Variants in CPNE8 observed in about 807,000 individuals in gnomAD.
The protein encoded by CPNE8 is copine-8.
CPNE8 carries 45 observed loss-of-function variants against 81.5 expected under a neutral mutation model. That is an observed-to-expected ratio of 0.55 (90% CI 0.44 to 0.71). The LOEUF (loss-of-function observed/expected upper bound fraction) is 0.71. Ranked by LOEUF, CPNE8 falls within the 30% of genes least tolerant of loss-of-function variation. The probability of loss-of-function intolerance (pLI) is 0.00; values close to 1 mark genes in which losing one functional copy is unlikely to be tolerated. For missense variants in CPNE8, 594 were observed against 672.1 expected, an observed-to-expected ratio of 0.88 and a Z score of 1.28; for synonymous variants, 252 against 226.3, an observed-to-expected ratio of 1.11 and a Z score of -1.02.
intron 13 of CPNE8, among the ~76,000 whole-genome samples, chr12:38,718,679 CAT>C (rs1565582111): frequency 6.6e-6 from 1 of 152,042 alleles, no homozygotes; most frequent in Non-Finnish European, 1.5e-5. Context: ...AATCCAATAA[CAT>C]TATTTCTAGG....
chr12:38,854,707 A>T (rs1439468697), intron 3 of CPNE8, among the ~76,000 whole-genome samples: 1 of 152,104 alleles, frequency 6.6e-6, no homozygotes, highest in Non-Finnish European at 1.5e-5. Flanking sequence ...GGCTTTTAAC[A>T]ACATTAAAGA....
chr12:38,652,948 C>T lies in CPNE8; in HGVS notation c.*934G>A, dbSNP rs979384562. 2.0e-5 allele frequency: 3 copies of T among 152,522 alleles called. No individual in the cohort carries two copies. Among genetic ancestry groups the T allele is most frequent in the African/African-American group, 7.2e-5 (3 of 41,410 alleles). 9.4% of individuals were successfully genotyped at this position (152,522 alleles called of 1,614,324 possible). A position where few individuals can be genotyped will look rare whatever the true frequency, so the allele number is the denominator to read the frequency against. On this transcript the variant is annotated 3_prime_UTR_variant, in exon 20 of 20. Coordinates refer to ENST00000331366, the MANE Select transcript of CPNE8 (RefSeq NM_153634.3). Reference sequence around the variant, plus strand: ...AACAAGAAATTCCGATCAAGAGAGCCAGTATCCCTTTGAATTAAAATATCT... The same window carrying T: ...AACAAGAAATTCCGATCAAGAGAGCTAGTATCCCTTTGAATTAAAATATCT...
chr12:38,675,279 ATTATGC>A, intron 18 of CPNE8, among the ~76,000 whole-genome samples: 1 of 152,310 alleles, frequency 6.6e-6, no homozygotes, highest in East Asian at 1.9e-4. Context: ...AAATTAGCAT[ATTATGC>A]TTATGTTAAC....
At position 38,722,723 on chromosome 12, in the gene CPNE8, A is replaced by G. The variant is rs78799618; in HGVS notation, c.914+1049T>C. Among the ~76,000 whole-genome samples the G allele has an allele frequency of 9.3e-3, 1,421 of 152,262 alleles. 18 individuals are homozygous for G. Among genetic ancestry groups the G allele is most frequent in the Middle Eastern group, 0.027 (8 of 294 alleles). On this transcript the variant is annotated intron_variant, in intron 13 of 19. Coordinates refer to ENST00000331366, the MANE Select transcript of CPNE8 (RefSeq NM_153634.3). ...AGACATTTTATACTGCAAGACAACC[A>G]ATGCTTTTTTTAAATCTCTGGGGAT...
At chr12:38,766,837 G>A (rs889229741) in intron 8 of CPNE8, among the ~76,000 whole-genome samples, 1 of 151,868 alleles carries the variant, frequency 6.6e-6, no homozygotes, top group Non-Finnish European at 1.5e-5. Flanking sequence ...TTATGTGTTG[G>A]ACAAACTTAG....
At chr12:38,891,239 C>T (rs1250999420) in intron 1 of CPNE8, among the ~76,000 whole-genome samples, 2 of 151,882 alleles carry the variant, frequency 1.3e-5, no homozygotes, top group Non-Finnish European at 2.9e-5. Flanking sequence ...CCAAATTATC[C>T]GTCAATATTT....
intron 3 of CPNE8, among the ~76,000 whole-genome samples, chr12:38,856,502 T>C (rs1407448273): frequency 6.6e-6 from 1 of 152,172 alleles, no homozygotes. Context: ...AAAAGGATCA[T>C]CCTTGTCTAT....
At chr12:38,852,777 T>C (rs182406171) in intron 3 of CPNE8, among the ~76,000 whole-genome samples, 3 of 152,152 alleles carry the variant, frequency 2.0e-5, no homozygotes, top group Admixed American at 2.0e-4. Context: ...TCAAGGGTAA[T>C]ATATAGTATA....
intron 6 of CPNE8, among the ~76,000 whole-genome samples, chr12:38,826,201 T>G (rs1169790338): frequency 6.6e-6 from 1 of 152,232 alleles, no homozygotes; most frequent in Non-Finnish European, 1.5e-5. Context: ...AACTATTTTC[T>G]TAATGTTTAT....
intron 11 of CPNE8, 61 bp from the exon 12 acceptor site, chr12:38,724,960 A>C: frequency 7.3e-7 from 1 of 1,372,062 alleles, no homozygotes; most frequent in Non-Finnish European, 1.0e-6. Flanking sequence ...TTTATATTGA[A>C]TTTTTAAAAA....
intron 14 of CPNE8, among the ~76,000 whole-genome samples, chr12:38,696,325 C>G (rs1297818560): frequency 6.6e-6 from 1 of 151,714 alleles, no homozygotes; most frequent in Non-Finnish European, 1.5e-5. Flanking sequence ...TTATTCCAGC[C>G]CTTATTGTCT....
intron 5 of CPNE8, among the ~76,000 whole-genome samples, chr12:38,837,237 G>A (rs984599900): frequency 6.0e-5 from 9 of 151,080 alleles, no homozygotes; most frequent in African/African-American, 2.2e-4. Flanking sequence ...AAAGTCAAAC[G>A]TGACACAGAA....
intron 4 of CPNE8, among the ~76,000 whole-genome samples, chr12:38,844,390 G>A (rs1247159653): frequency 6.6e-6 from 1 of 151,994 alleles, no homozygotes; most frequent in Non-Finnish European, 1.5e-5. Context: ...CAACAAAATG[G>A]ATTTATTAGG....
At chr12:38,672,183 A>G (rs1278854201) in intron 18 of CPNE8, among the ~76,000 whole-genome samples, 4 of 152,172 alleles carry the variant, frequency 2.6e-5, no homozygotes. Flanking sequence ...TACACATGCT[A>G]AAATGGGAAA....
At chr12:38,672,873 G>C (rs962728924) in intron 18 of CPNE8, among the ~76,000 whole-genome samples, 1 of 152,060 alleles carries the variant, frequency 6.6e-6, no homozygotes, top group Non-Finnish European at 1.5e-5. Context: ...TGTATTTCTT[G>C]CCCATGGAAA....
At chr12:38,692,126 T>C (rs1939690127) in intron 15 of CPNE8, among the ~76,000 whole-genome samples, 1 of 151,924 alleles carries the variant, frequency 6.6e-6, no homozygotes, top group Non-Finnish European at 1.5e-5. Flanking sequence ...ACCCCATCTC[T>C]ACTAAAAATA....
intron 15 of CPNE8, among the ~76,000 whole-genome samples, chr12:38,693,219 A>G (rs1386982674): frequency 2.6e-5 from 4 of 152,142 alleles, no homozygotes; most frequent in Non-Finnish European, 5.9e-5. Context: ...TAAGTTGAAA[A>G]ATATGGCCCC....
intron 3 of CPNE8, among the ~76,000 whole-genome samples, chr12:38,860,558 A>G (rs973187352): frequency 9.2e-5 from 9 of 98,184 alleles, no homozygotes; most frequent in Admixed American, 4.6e-4. Context: ...TTTTGAGTAT[A>G]TATCAAAAAA....
At chr12:38,794,827 G>T (rs139758284) in intron 6 of CPNE8, among the ~76,000 whole-genome samples, 1 of 152,162 alleles carries the variant, frequency 6.6e-6, no homozygotes, top group African/African-American at 2.4e-5. Flanking sequence ...TGCTGGGAGT[G>T]TCTGTGAGGG....
Sources: gnomAD v4.1 joint callset for allele counts (sites outside exome capture counted in the v4.1 genomes callset) on GRCh38, gnomAD v4.1.1 for gene constraint, MANE v1.5 for transcripts, NCBI Gene and HGNC (gene_info 2026-07-23, HGNC 2026-07-21) for gene names.